The following USP47 variants were observed in gnomAD, a reference collection of about 807,000 sequenced individuals.
USP47 encodes the protein ubiquitin carboxyl-terminal hydrolase 47.
Under a neutral mutation model 165.1 loss-of-function variants are expected in USP47, and 35 were observed. The ratio of observed to expected loss-of-function variants is 0.21; its 90% confidence interval spans 0.16 to 0.28. USP47 has a LOEUF of 0.28. Among genes scored for constraint, USP47 ranks in the 10% least tolerant of loss-of-function variants. The pLI is 1.00. For synonymous variants in USP47, 531 were observed against 544.5 expected (o/e 0.98, Z 0.35); for missense variants, 1,277 against 1,607.4 (o/e 0.79, Z 3.52).
Position 11,942,425 on chromosome 11 carries a change from A to G in USP47, c.2404A>G (p.Ile802Val), listed in dbSNP as rs370629300. The change falls in exon 20 of 28, where the codon ATC becomes GTC. Residue 802 changes from isoleucine to valine, a missense_variant. Around this residue, in one of 4 missense-constraint regions of USP47, gnomAD observed 909 missense variants for 1,068.1 expected, o/e 0.85. Coordinates refer to ENST00000527733, the MANE Select transcript of USP47 (RefSeq NM_001282659.2). ...WKLLDRHANT[I>V]RLFVLLPEQS... ...ACTCCTGGATCGGCATGCAAATACA[A>G]TCAGATTATTTGTTTTGCTACCTGA... 11 of 1,613,482 alleles carry G rather than the reference A, an allele frequency of 6.8e-6. No individual in the cohort carries two copies. The African/African-American group carries it at 1.1e-4, about 16-fold the overall frequency.
chr11:11,880,205 T>A lies in USP47; in HGVS notation c.68T>A (p.Val23Asp), dbSNP rs1170587681. The change falls in exon 2 of 28, where the codon GTC (valine) becomes GAC (aspartate). Residue 23 changes from valine (V) to aspartate (D), a missense_variant. Coordinates refer to ENST00000527733, the MANE Select transcript of USP47 (RefSeq NM_001282659.2). ...GAAAATGCTGCTGAAGAACCTAGAG[T>A]CTTATGTATTATACAAGATACTACT... ...EIENAAEEPR[V>D]LCIIQDTTNS... The A allele has an allele frequency of 6.8e-7, 1 of 1,475,758 alleles. No individual in the cohort carries two copies. The highest frequency in any genetic ancestry group is 2.6e-5 in the Admixed American group (1 of 38,240). 91.4% of individuals were successfully genotyped at this position (1,475,758 alleles called of 1,614,324 possible).
chr11:11,940,517 TG>T lies in USP47; in HGVS notation c.2283del (p.Ala763LeufsTer81). Reference sequence around the variant, plus strand: ...CTTCTCAGTGTCTCCAGTAAAACCCTGAAAGCTGAAGGATTTTTTAGAAGTA... The same window carrying T: ...CTTCTCAGTGTCTCCAGTAAAACCCTAAAGCTGAAGGATTTTTTAGAAGTA... The part of the protein sequence containing the change: ...LRLLSVSSKT[L>X]KAEGFFRSNK... On this transcript the variant is annotated frameshift_variant, in exon 19 of 28. Transcript: ENST00000527733. LOFTEE classifies it high-confidence loss of function. The T allele has an allele frequency of 6.2e-7, 1 of 1,611,916 alleles. No homozygotes were observed. Among genetic ancestry groups the T allele is most frequent in the Non-Finnish European group, 8.5e-7 (1 of 1,178,532 alleles).
chr11:11,866,179 A>G (rs1393380627), intron 1 of USP47, among the ~76,000 whole-genome samples: 3 of 152,046 alleles, frequency 2.0e-5, no homozygotes, highest in South Asian at 2.1e-4. Flanking sequence ...TTTTTAGTTA[A>G]TCTTTGTAGC....
intron 1 of USP47, among the ~76,000 whole-genome samples, chr11:11,874,562 CTTTTT>C (rs563500431): frequency 6.9e-6 from 1 of 145,004 alleles, no homozygotes; most frequent in Non-Finnish European, 1.5e-5. Flanking sequence ...GAAGCTGATA[CTTTTT>C]TTTTTTTTTG....
chr11:11,874,748 A>G (rs1850281766), intron 1 of USP47, among the ~76,000 whole-genome samples: 2 of 152,024 alleles, frequency 1.3e-5, no homozygotes, highest in Non-Finnish European at 2.9e-5. Context: ...TCGTAGAGAC[A>G]AGGTTTTGCC....
At chr11:11,848,673 G>A (rs1370503052) in intron 1 of USP47, among the ~76,000 whole-genome samples, 1 of 147,350 alleles carries the variant, frequency 6.8e-6, no homozygotes, top group African/African-American at 2.5e-5. Flanking sequence ...GCAGTGGTGC[G>A]ATATCACCTC....
At chr11:11,929,680 C>A in intron 12 of USP47, 115 bp downstream of exon 12, 1 of 1,379,402 alleles carries the variant, frequency 7.2e-7, no homozygotes, top group East Asian at 2.4e-5. Context: ...ATCTTAAGAC[C>A]CATATCAAAT....
intron 8 of USP47, among the ~76,000 whole-genome samples, chr11:11,915,293 A>T (rs1853331657): frequency 6.6e-6 from 1 of 152,228 alleles, no homozygotes; most frequent in Admixed American, 6.5e-5. Flanking sequence ...AACCTTTTAG[A>T]ACTGTGGGAC....
intron 8 of USP47, among the ~76,000 whole-genome samples, chr11:11,913,987 A>G (rs921736079): frequency 6.6e-6 from 1 of 152,132 alleles, no homozygotes; most frequent in African/African-American, 2.4e-5. Context: ...GTCTTAATGC[A>G]GTTCCTGTCA....
intron 18 of USP47, 43 bp downstream of exon 18, chr11:11,938,415 G>C (rs1281550653): frequency 6.9e-7 from 1 of 1,448,504 alleles, no homozygotes; most frequent in Non-Finnish European, 9.6e-7. Context: ...TTGAGAGCCT[G>C]CTATGTACAA....
At chr11:11,882,473 A>G (rs982658467) in intron 2 of USP47, among the ~76,000 whole-genome samples, 2 of 152,178 alleles carry the variant, frequency 1.3e-5, no homozygotes, top group African/African-American at 4.8e-5. Context: ...TTTTAAACTG[A>G]AATTAACCAG....
chr11:11,893,350 C>G (rs1301590624), intron 4 of USP47, among the ~76,000 whole-genome samples: 1 of 152,044 alleles, frequency 6.6e-6, no homozygotes, highest in Non-Finnish European at 1.5e-5. Context: ...CTTAGAACTT[C>G]AAAACAGGTG....
At chr11:11,950,523 A>G in intron 24 of USP47, 41 bp downstream of exon 24, 4 of 1,278,222 alleles carry the variant, frequency 3.1e-6, no homozygotes, top group Non-Finnish European at 4.4e-6. Context: ...AGTTAGAAAT[A>G]CTCTAGAACT....
intron 1 of USP47, among the ~76,000 whole-genome samples, chr11:11,855,082 G>A (rs1023550407): frequency 6.6e-6 from 1 of 150,996 alleles, no homozygotes; most frequent in African/African-American, 2.4e-5. Context: ...GCGACAGAGC[G>A]AGACTCCGTC....
At chr11:11,933,722 A>G in intron 15 of USP47, 109 bp from the exon 16 acceptor site, 1 of 704,374 alleles carries the variant, frequency 1.4e-6, no homozygotes, top group Non-Finnish European at 2.4e-6. Context: ...GATCTCAATT[A>G]TGTTCTTTTA....
intron 8 of USP47, 110 bp from the exon 9 acceptor site, chr11:11,920,045 AT>A (rs1287448754): frequency 1.3e-6 from 1 of 758,520 alleles, no homozygotes; most frequent in African/African-American, 1.8e-5. Context: ...GAGTTCCTAA[AT>A]TTCTAACCAT....
At chr11:11,936,599 T>C (rs1855092069) in intron 17 of USP47, 89 bp downstream of exon 17, 2 of 1,090,968 alleles carry the variant, frequency 1.8e-6, no homozygotes, top group South Asian at 4.6e-5. Context: ...GAACATAATT[T>C]AAATTTTGTA....
chr11:11,846,799 C>T (rs555300851), intron 1 of USP47, among the ~76,000 whole-genome samples: 12 of 152,196 alleles, frequency 7.9e-5, no homozygotes, highest in African/African-American at 2.9e-4. Flanking sequence ...AATGCATATT[C>T]TTTTAATTTT....
In USP47 at chr11:11,930,691, A is replaced by C. The variant is rs368937039; in HGVS notation, c.1596-5A>C. The C allele has an allele frequency of 1.9e-6, 3 of 1,598,054 alleles. No individual in the cohort carries two copies. The highest frequency in any genetic ancestry group is 1.1e-5 in the South Asian group (1 of 87,200). On this transcript the variant is annotated splice_region_variant and splice_polypyrimidine_tract_variant and intron_variant, in intron 13 of 27. Coordinates refer to ENST00000527733, the MANE Select transcript of USP47 (RefSeq NM_001282659.2). ...CCTTATTAATCTTTTTTATGTTTCT[A>C]CTAGTTCCACAAATGCATATATGCT...
Sources: allele counts gnomAD v4.1 joint callset (sites outside exome capture counted in the v4.1 genomes callset), GRCh38; gene constraint gnomAD v4.1.1; regional missense constraint gnomAD v4.1.1; transcripts MANE v1.5; gene names NCBI Gene and HGNC (gene_info 2026-07-23, HGNC 2026-07-21).